Variants in PRP4K observed in about 807,000 individuals in gnomAD.
PRP4K encodes the protein serine/threonine-protein kinase PRP4 homolog.
At chr6:4,028,748 G>A in the PRP4K span, among the ~76,000 whole-genome samples, 2 of 152,154 alleles carry the variant, frequency 1.3e-5, no homozygotes, top group African/African-American at 4.8e-5. Flanking sequence ...AGTTCTTTGA[G>A]TATGGTACCC....
At chr6:4,043,001 A>G in the PRP4K span, among the ~76,000 whole-genome samples, 1 of 152,352 alleles carries the variant, frequency 6.6e-6, no homozygotes, top group South Asian at 2.1e-4. Context: ...CATTTGAAAA[A>G]TAATTTTAAG....
the PRP4K span, among the ~76,000 whole-genome samples, chr6:4,047,662 T>C: frequency 6.6e-6 from 1 of 152,170 alleles, no homozygotes; most frequent in Non-Finnish European, 1.5e-5. Flanking sequence ...TATTGAAGAA[T>C]TGGAAATGTT....
chr6:4,026,985 C>A, the PRP4K span, among the ~76,000 whole-genome samples: 2 of 152,088 alleles, frequency 1.3e-5, no homozygotes, highest in Non-Finnish European at 2.9e-5. Context: ...TGTGAGTATG[C>A]CTATTCAAGG....
At chr6:4,033,521 G>T in the PRP4K span, among the ~76,000 whole-genome samples, 3 of 152,054 alleles carry the variant, frequency 2.0e-5, no homozygotes, top group Admixed American at 6.5e-5. Context: ...GGGGAGGAGT[G>T]TTTATACCAC....
chr6:4,022,403 A>G, the PRP4K span, among the ~76,000 whole-genome samples: 1 of 151,672 alleles, frequency 6.6e-6, no homozygotes, highest in South Asian at 2.1e-4. Context: ...AACTCAAACA[A>G]GAACCTTAAC....
chr6:4,055,482 G>A, the PRP4K span, among the ~76,000 whole-genome samples: 1 of 152,268 alleles, frequency 6.6e-6, no homozygotes, highest in South Asian at 2.1e-4. Flanking sequence ...ATAGTGTTAT[G>A]CTGCTTTGGG....
chr6:4,031,636 A>C, the PRP4K span: 4 of 1,601,810 alleles, frequency 2.5e-6, no homozygotes, highest in East Asian at 8.9e-5. Context: ...CAAAATAAGC[A>C]CAGTCGTCAC....
the PRP4K span, chr6:4,049,010 T>C: frequency 1.2e-6 from 2 of 1,608,084 alleles, no homozygotes; most frequent in Non-Finnish European, 1.7e-6. Flanking sequence ...GCCTCTTTAA[T>C]TTCAGAGTGC....
the PRP4K span, among the ~76,000 whole-genome samples, chr6:4,035,212 G>C: frequency 6.7e-6 from 1 of 148,222 alleles, no homozygotes. Flanking sequence ...TGCCTCCTGG[G>C]TTCAAGCAAT....
At chr6:4,048,058 T>A in the PRP4K span, among the ~76,000 whole-genome samples, 3,478 of 152,034 alleles carry the variant, frequency 0.023, 62 homozygotes, top group Middle Eastern at 0.037. Flanking sequence ...GTCTTCTGGG[T>A]ATCTTGGAGA....
the PRP4K span, among the ~76,000 whole-genome samples, chr6:4,025,244 C>T: frequency 6.6e-6 from 1 of 152,160 alleles, no homozygotes; most frequent in East Asian, 1.9e-4. Context: ...TATTTATTGT[C>T]AGTATAAACT....
chr6:4,055,416 T>C, the PRP4K span, among the ~76,000 whole-genome samples: 2 of 152,218 alleles, frequency 1.3e-5, no homozygotes, highest in African/African-American at 4.8e-5. Flanking sequence ...ATTAATAGCT[T>C]AACTCTGGAT....
chr6:4,021,873 G>T, the PRP4K span, among the ~76,000 whole-genome samples: 1 of 152,206 alleles, frequency 6.6e-6, no homozygotes, highest in Non-Finnish European at 1.5e-5. Flanking sequence ...GGCGGGCCAA[G>T]CCCTAAGTCT....
the PRP4K span, among the ~76,000 whole-genome samples, chr6:4,027,107 C>G: frequency 1.4e-4 from 22 of 152,214 alleles, no homozygotes; most frequent in African/African-American, 5.3e-4. Flanking sequence ...AGGTAGAAAG[C>G]AATAAAATTT....
At chr6:4,032,768 C>T in the PRP4K span, 1 of 1,542,696 alleles carries the variant, frequency 6.5e-7, no homozygotes, top group South Asian at 1.3e-5. Context: ...AACTTGTGTA[C>T]AAAATGTTAA....
At chr6:4,037,550 A>G in the PRP4K span, 690 of 1,613,616 alleles carry the variant, frequency 4.3e-4, 2 homozygotes, top group African/African-American at 6.9e-3. Context: ...CAAGAAGAAG[A>G]AGCAGATCTC....
the PRP4K span, chr6:4,063,333 A>T: frequency 1.3e-5 from 2 of 152,154 alleles, no homozygotes; most frequent in African/African-American, 4.8e-5. Flanking sequence ...ATAGTGGTCA[A>T]CTTTAGTAAT....
chr6:4,033,998 A>T, the PRP4K span, among the ~76,000 whole-genome samples: 2 of 131,548 alleles, frequency 1.5e-5, no homozygotes, highest in African/African-American at 2.5e-5. Flanking sequence ...AAACAAAAAT[A>T]TTTTTTTAAA....
the PRP4K span, among the ~76,000 whole-genome samples, chr6:4,038,219 T>A: frequency 6.6e-6 from 1 of 152,186 alleles, no homozygotes; most frequent in African/African-American, 2.4e-5. Context: ...CTCTCAGAAT[T>A]TTTGTATGCT....
Sources: allele counts gnomAD v4.1 joint callset (sites outside exome capture counted in the v4.1 genomes callset), GRCh38; gene constraint gnomAD v4.1.1; transcripts MANE v1.5; gene names NCBI Gene and HGNC (gene_info 2026-07-23, HGNC 2026-07-21).